The following TLN2 variants were observed in gnomAD, a reference collection of about 807,000 sequenced individuals.
The protein encoded by TLN2 is talin-2.
In TLN2, 118 loss-of-function variants were observed where a neutral mutation model predicts 294.7. The ratio of observed to expected loss-of-function variants is 0.40; its 90% confidence interval spans 0.34 to 0.47. TLN2 has a LOEUF of 0.47. Ranked by LOEUF, TLN2 falls within the 20% of genes least tolerant of loss-of-function variation. The probability of loss-of-function intolerance (pLI) is 0.84; values close to 1 mark genes in which losing one functional copy is unlikely to be tolerated. For missense variants in TLN2, 3,083 were observed against 3,282.2 expected (o/e 0.94, Z 1.48); for synonymous variants, 1,431 against 1,304.5 (o/e 1.10, Z -2.09).
intron 42 of TLN2, among the ~76,000 whole-genome samples, chr15:62,771,624 C>T (rs1422908781): frequency 6.6e-6 from 1 of 152,240 alleles, no homozygotes; most frequent in African/African-American, 2.4e-5. Context: ...GACAGCCTGT[C>T]ATAGGTGACT....
At chr15:62,750,575 C>T in intron 34 of TLN2, 84 bp downstream of exon 34, 1 of 1,202,900 alleles carries the variant, frequency 8.3e-7, no homozygotes, top group Non-Finnish European at 1.2e-6. Flanking sequence ...TGTGCATCTG[C>T]CTGTGGCTGG....
intron 1 of TLN2, among the ~76,000 whole-genome samples, chr15:62,469,842 A>G (rs551591350): frequency 6.6e-6 from 1 of 152,288 alleles, no homozygotes; most frequent in Admixed American, 6.5e-5. Flanking sequence ...CCACTCCTCA[A>G]TATGTCACCT....
chr15:62,709,871 A>G (rs946393322), intron 21 of TLN2, among the ~76,000 whole-genome samples: 8 of 152,120 alleles, frequency 5.3e-5, no homozygotes, highest in Admixed American at 2.0e-4. Context: ...AGTAGCTGGG[A>G]TTACAGGCGC....
chr15:62,465,899 A>G (rs750661084), intron 1 of TLN2, among the ~76,000 whole-genome samples: 2 of 152,180 alleles, frequency 1.3e-5, no homozygotes, highest in African/African-American at 4.8e-5. Context: ...GAATAGAATC[A>G]TAGGTTTTAG....
chr15:62,544,474 T>A (rs1175594142), intron 1 of TLN2, among the ~76,000 whole-genome samples: 2 of 152,188 alleles, frequency 1.3e-5, no homozygotes, highest in African/African-American at 4.8e-5. Context: ...ATGGCTTGTT[T>A]CCACAGACAC....
chr15:62,415,639 T>A (rs1414110134), intron 1 of TLN2, among the ~76,000 whole-genome samples: 1 of 152,248 alleles, frequency 6.6e-6, no homozygotes, highest in Non-Finnish European at 1.5e-5. Flanking sequence ...CCCGCTCTGC[T>A]GGGGTGACCC....
intron 1 of TLN2, among the ~76,000 whole-genome samples, chr15:62,518,314 G>A (rs899388041): frequency 7.2e-5 from 11 of 152,160 alleles, no homozygotes; most frequent in African/African-American, 2.7e-4. Flanking sequence ...TGGGATTATA[G>A]GCGTGAGCCA....
intron 54 of TLN2, among the ~76,000 whole-genome samples, chr15:62,822,018 A>G (rs1321320140): frequency 2.0e-5 from 3 of 152,206 alleles, no homozygotes; most frequent in Admixed American, 6.5e-5. Flanking sequence ...CAGTTGACAC[A>G]TTCGTTCTCC....
intron 1 of TLN2, among the ~76,000 whole-genome samples, chr15:62,530,433 C>T (rs1262032160): frequency 1.3e-5 from 2 of 152,176 alleles, no homozygotes; most frequent in African/African-American, 4.8e-5. Flanking sequence ...TCTCAGCTCA[C>T]CACAACCTCC....
intron 1 of TLN2, among the ~76,000 whole-genome samples, chr15:62,515,797 G>T (rs2040159540): frequency 1.3e-5 from 2 of 152,150 alleles, no homozygotes; most frequent in Non-Finnish European, 2.9e-5. Context: ...TAGTGGACAG[G>T]TCGTAAAGTA....
intron 32 of TLN2, among the ~76,000 whole-genome samples, chr15:62,746,918 G>C (rs2061645462): frequency 6.6e-6 from 1 of 152,132 alleles, no homozygotes; most frequent in Admixed American, 6.5e-5. Context: ...TTTATAAAAT[G>C]CGTGGGTTTT....
Position 62,844,546 on chromosome 15 carries a change from G to A in TLN2, c.*3936G>A, listed in dbSNP as rs2071015341. 1 of 152,018 alleles carries A rather than the reference G, an allele frequency of 6.6e-6. No individual in the cohort carries two copies. The highest frequency in any genetic ancestry group is 2.1e-4 in the South Asian group (1 of 4,820). The allele number at this position is 152,018 out of a possible 1,614,324, so 9.4% of individuals were successfully genotyped here. A position where few individuals can be genotyped will look rare whatever the true frequency, so the allele number is the denominator to read the frequency against. ...ACAGGAACGTTCAGCTCTGCCCTGTGTCGTATCTAATCACATACATTAATT... is the reference window on the plus strand; with the variant it reads ...ACAGGAACGTTCAGCTCTGCCCTGTATCGTATCTAATCACATACATTAATT... On this transcript the variant is annotated 3_prime_UTR_variant, in exon 59 of 59. Coordinates refer to ENST00000636159, the MANE Select transcript of TLN2 (RefSeq NM_015059.3).
intron 9 of TLN2, among the ~76,000 whole-genome samples, chr15:62,660,333 G>A (rs1396758726): frequency 2.0e-5 from 3 of 152,172 alleles, no homozygotes; most frequent in Non-Finnish European, 4.4e-5. Flanking sequence ...AATCATCAGA[G>A]CTTGAAAGAT....
chr15:62,487,364 T>C (rs940703338), intron 1 of TLN2, among the ~76,000 whole-genome samples: 1 of 152,208 alleles, frequency 6.6e-6, no homozygotes, highest in African/African-American at 2.4e-5. Flanking sequence ...AAGGTATGCT[T>C]CTTAGAGCTC....
At chr15:62,793,184 T>C (rs2065200932) in intron 46 of TLN2, among the ~76,000 whole-genome samples, 1 of 152,218 alleles carries the variant, frequency 6.6e-6, no homozygotes, top group Admixed American at 6.5e-5. Flanking sequence ...TGCTGAGGGC[T>C]GAGGGCTGAG....
intron 2 of TLN2, among the ~76,000 whole-genome samples, chr15:62,601,338 A>C (rs868563386): frequency 2.0e-5 from 3 of 152,052 alleles, no homozygotes; most frequent in Non-Finnish European, 4.4e-5. Context: ...GAGAAACCCC[A>C]CTGTAGTTTT....
chr15:62,730,617 C>G (rs2060671573), intron 28 of TLN2, among the ~76,000 whole-genome samples: 1 of 152,228 alleles, frequency 6.6e-6, no homozygotes, highest in South Asian at 2.1e-4. Context: ...TGGATAATAT[C>G]ACTTACACAA....
intron 31 of TLN2, among the ~76,000 whole-genome samples, 173 bp downstream of exon 31, chr15:62,739,718 A>G (rs1429191038): frequency 1.3e-5 from 2 of 152,204 alleles, no homozygotes; most frequent in African/African-American, 2.4e-5. Flanking sequence ...GGCATTCCCA[A>G]AGATGCTATC....
Position 62,724,948 on chromosome 15 carries a change from G to T in TLN2, c.3127-28G>T, listed in dbSNP as rs538776563. ...GGGACACTTTTCCCAAGCAGACTGG[G>T]TATACATATTTCCAACTCTGTTGGC... On this transcript the variant is annotated intron_variant, in intron 26 of 58. Transcript: ENST00000636159. The T allele has an allele frequency of 5.0e-6, 8 of 1,602,940 alleles. No individual in the cohort carries two copies. In the African/African-American group the frequency reaches 6.7e-5, roughly 13 times the overall value.
Sources: allele counts gnomAD v4.1 joint callset (sites outside exome capture counted in the v4.1 genomes callset), GRCh38; gene constraint gnomAD v4.1.1; transcripts MANE v1.5; gene names NCBI Gene and HGNC (gene_info 2026-07-23, HGNC 2026-07-21).